The following WNK1 variants were observed in gnomAD, a reference collection of about 807,000 sequenced individuals.
WNK1 encodes WNK lysine deficient protein kinase 1.
A neutral mutation model predicts 222.8 loss-of-function variants in WNK1; 38 were observed. The ratio of observed to expected loss-of-function variants is 0.17; its 90% CI spans 0.13 to 0.22. WNK1 has a LOEUF of 0.22. Ranked by LOEUF, WNK1 falls within the 10% of genes least tolerant of loss-of-function variation. The pLI is 1.00. For missense variants in WNK1, 2,348 were observed against 2,918.4 expected (o/e 0.80, Z 4.50); for synonymous variants, 1,090 against 1,092.9 (o/e 1.00, Z 0.05).
At chr12:818,921 T>C (rs1407070580) in intron 2 of WNK1, among the ~76,000 whole-genome samples, 1 of 152,266 alleles carries the variant, frequency 6.6e-6, no homozygotes. Context: ...GTACTGCTGC[T>C]ATGAATATTT....
At chr12:829,262 A>G (rs1352284474) in intron 3 of WNK1, among the ~76,000 whole-genome samples, 1 of 152,036 alleles carries the variant, frequency 6.6e-6, no homozygotes, top group Non-Finnish European at 1.5e-5. Flanking sequence ...ATCAGTCTGT[A>G]TTTGGGTTCT....
chr12:813,159 A>C (rs964338042), intron 1 of WNK1, among the ~76,000 whole-genome samples: 8 of 152,198 alleles, frequency 5.3e-5, no homozygotes, highest in Admixed American at 2.6e-4. Flanking sequence ...CCTTGAGCCC[A>C]GGATTTGAGG....
At chr12:771,367 C>T (rs1250582673) in intron 1 of WNK1, among the ~76,000 whole-genome samples, 1 of 152,088 alleles carries the variant, frequency 6.6e-6, no homozygotes, top group African/African-American at 2.4e-5. Flanking sequence ...TGTCCATATT[C>T]ATATCTTAAT....
chr12:791,838 A>G (rs1024309611), intron 1 of WNK1, among the ~76,000 whole-genome samples: 2 of 152,076 alleles, frequency 1.3e-5, no homozygotes, highest in Non-Finnish European at 2.9e-5. Context: ...TTATTTTTAT[A>G]CATATGGTTG....
At chr12:791,618 A>G (rs1050103498) in intron 1 of WNK1, among the ~76,000 whole-genome samples, 4 of 151,896 alleles carry the variant, frequency 2.6e-5, no homozygotes, top group African/African-American at 9.7e-5. Flanking sequence ...CCACCCTAAG[A>G]TGGAAATCCA....
chr12:806,181 A>G (rs916969648), intron 1 of WNK1, among the ~76,000 whole-genome samples: 1 of 152,240 alleles, frequency 6.6e-6, no homozygotes, highest in African/African-American at 2.4e-5. Context: ...TATTCAGGAA[A>G]GATGGTGTTT....
intron 1 of WNK1, among the ~76,000 whole-genome samples, chr12:779,246 T>C (rs1461811769): frequency 6.6e-6 from 1 of 152,154 alleles, no homozygotes; most frequent in African/African-American, 2.4e-5. Flanking sequence ...TTATTTGACA[T>C]GTGAGTGGTA....
intron 6 of WNK1, 146 bp downstream of exon 6, chr12:859,610 A>T: frequency 4.8e-6 from 2 of 414,178 alleles, no homozygotes; most frequent in Non-Finnish European, 8.3e-6. Flanking sequence ...ATCTTTGATT[A>T]GTGGGATTTT....
chr12:855,631 C>T (rs1222833934), intron 4 of WNK1, among the ~76,000 whole-genome samples: 1 of 152,130 alleles, frequency 6.6e-6, no homozygotes, highest in African/African-American at 2.4e-5. Context: ...ACCACCCCAC[C>T]CCAACTCCAT....
intron 1 of WNK1, among the ~76,000 whole-genome samples, chr12:771,040 C>G (rs1942415715): frequency 6.6e-6 from 1 of 152,122 alleles, no homozygotes; most frequent in African/African-American, 2.4e-5. Context: ...TTGTCTCGCC[C>G]AGGCTGGAGT....
At chr12:791,076 GA>G (rs1264234553) in intron 1 of WNK1, among the ~76,000 whole-genome samples, 2 of 151,942 alleles carry the variant, frequency 1.3e-5, no homozygotes, top group African/African-American at 4.8e-5. Flanking sequence ...CTTGATATTT[GA>G]AAAAGGGGGT....
At chr12:835,155 C>CA (rs928675649) in intron 4 of WNK1, among the ~76,000 whole-genome samples, 8 of 152,006 alleles carry the variant, frequency 5.3e-5, no homozygotes, top group African/African-American at 1.7e-4. Flanking sequence ...ATTATCTCTA[C>CA]AAAAAATACA....
rs1200796841 is a variant in WNK1 at position 868,799 on chromosome 12, T to A, written c.2140-2466T>A. 5 of 1,614,012 alleles carry A rather than the reference T, an allele frequency of 3.1e-6. No homozygotes were observed. Among genetic ancestry groups the A allele is most frequent in the Non-Finnish European group, 4.2e-6 (5 of 1,179,890 alleles). On this transcript the variant is annotated intron_variant, in intron 8 of 27. Transcript: ENST00000315939. Reference sequence around the variant, plus strand: ...GCCTGTGACTGAAGAAAAGCATAATTACCATGCCCCAGAATTGACCGTTTC... The same window carrying A: ...GCCTGTGACTGAAGAAAAGCATAATAACCATGCCCCAGAATTGACCGTTTC...
Position 871,280 on chromosome 12 carries a change from C to T in WNK1, c.2155C>T (p.Gln719Ter). 1 of 1,614,174 alleles carries T rather than the reference C, an allele frequency of 6.2e-7. No individual in the cohort carries two copies. The highest frequency in any genetic ancestry group is 1.3e-5 in the African/African-American group (1 of 75,038). Reference protein sequence around the residue: ...PPSSVAQGQSQGQPSSSSLTG... With the variant: ...PPSSVAQGQS Reference sequence around the variant, plus strand: ...TTTCCTTCAGGCACAGGGGCAGAGCCAGGGTCAGCCATCCTCAAGTAGCTT... The same window carrying T: ...TTTCCTTCAGGCACAGGGGCAGAGCTAGGGTCAGCCATCCTCAAGTAGCTT... The change falls in exon 9 of 28, where the codon CAG becomes TAG. Residue 719 changes from glutamine to a stop codon, truncating the protein, a stop_gained. Coordinates refer to ENST00000315939, the MANE Select transcript of WNK1 (RefSeq NM_018979.4). LOFTEE classifies it high-confidence loss of function.
rs1953458121 is a variant in WNK1 at position 884,327 on chromosome 12, T to G, written c.3844+84T>G. 6.3e-6 allele frequency: 10 copies of G among 1,580,712 alleles called. 1 individual carries two copies. In the Admixed American group the frequency reaches 1.7e-4, roughly 26 times the overall value. On this transcript the variant is annotated intron_variant, in intron 18 of 27. Transcript: ENST00000315939. This position sits in a 1 kb window ranked among gnomAD's most constrained non-coding sequence, Gnocchi z 5.6. ...AAAGCTTAATCATAAAGCAGTAATT[T>G]ATGATGACACAGATAATAAAAAAGA... is the stretch of plus-strand genomic sequence containing the variant.
chr12:814,058 A>G (rs538487239), intron 2 of WNK1, among the ~76,000 whole-genome samples: 13 of 152,336 alleles, frequency 8.5e-5, no homozygotes, highest in Non-Finnish European at 1.5e-4. Context: ...TCATGCCTGT[A>G]ATCCCAGCAC....
At chr12:874,775 C>T (rs116588372) in intron 9 of WNK1, among the ~76,000 whole-genome samples, 56 of 152,132 alleles carry the variant, frequency 3.7e-4, no homozygotes, top group Middle Eastern at 3.4e-3. Flanking sequence ...AAGCTGAGAT[C>T]TGGAGAAGGT....
At chr12:866,068 T>TTGC (rs3072748) in intron 8 of WNK1, among the ~76,000 whole-genome samples, 106,926 of 151,720 alleles carry the variant, frequency 0.7, 38,244 homozygotes, top group East Asian at 0.86. Flanking sequence ...ATGTGGGTCC[T>TTGC]TGCTGCTTTT....
At chr12:874,247 A>G (rs1394551596) in intron 9 of WNK1, among the ~76,000 whole-genome samples, 1 of 152,150 alleles carries the variant, frequency 6.6e-6, no homozygotes, top group African/African-American at 2.4e-5. Flanking sequence ...TGGGCAGAGC[A>G]TGATGCTAAA....
Sources: allele counts gnomAD v4.1 joint callset (sites outside exome capture counted in the v4.1 genomes callset), GRCh38; gene constraint gnomAD v4.1.1; non-coding constraint Gnocchi (gnomAD v3.1); transcripts MANE v1.5; gene names NCBI Gene and HGNC (gene_info 2026-07-23, HGNC 2026-07-21).